AGBL1: variants seen among roughly 807,000 people sequenced by gnomAD.
AGBL1 encodes the protein AGBL carboxypeptidase 1.
A neutral mutation model predicts 118.9 loss-of-function variants in AGBL1; 130 were observed. The ratio of observed to expected loss-of-function variants is 1.09; its 90% CI spans 0.95 to 1.26. AGBL1 has a LOEUF of 1.26. AGBL1 is among the 50% of genes most tolerant of loss of function. The pLI is 0.00. For synonymous variants in AGBL1, 555 were observed against 478.9 expected (o/e 1.16, Z -2.08); for missense variants, 1,584 against 1,298.1 (o/e 1.22, Z -3.38).
chr15:86,437,800 C>T (rs1358694983), intron 18 of AGBL1, among the ~76,000 whole-genome samples: 1 of 152,114 alleles, frequency 6.6e-6, no homozygotes, highest in Non-Finnish European at 1.5e-5. Flanking sequence ...AGTGGATGAG[C>T]TCATGCCATC....
Position 86,419,585 on chromosome 15 carries a change from A to C in AGBL1, c.2555+22039A>C, listed in dbSNP as rs529181420. Among the ~76,000 whole-genome samples the C allele has an allele frequency of 3.4e-4, 51 of 151,806 alleles. 1 individual carries two copies. The South Asian group carries it at 7.3e-3, about 22-fold the overall frequency. The stretch of plus-strand genomic sequence containing the variant: ...AGGAGTTTTTTTTTTTTTCATACCA[A>C]AGTGGTGCAGGAATGCCAGCAAGAC... On this transcript the variant is annotated intron_variant, in intron 18 of 22. Transcript: ENST00000614907.
intron 22 of AGBL1, among the ~76,000 whole-genome samples, chr15:86,878,304 G>A (rs2079842645): frequency 6.6e-6 from 1 of 152,128 alleles, no homozygotes; most frequent in African/African-American, 2.4e-5. Context: ...ATTCAACTCT[G>A]CCCTTGTAGC....
intron 17 of AGBL1, among the ~76,000 whole-genome samples, chr15:86,351,676 C>G (rs1020352569): frequency 1.3e-5 from 2 of 151,852 alleles, no homozygotes; most frequent in South Asian, 4.2e-4. Context: ...AATACTTGTA[C>G]CCTGAATTTT....
intron 18 of AGBL1, among the ~76,000 whole-genome samples, chr15:86,423,272 T>A (rs1292903338): frequency 6.6e-6 from 1 of 151,630 alleles, no homozygotes; most frequent in Non-Finnish European, 1.5e-5. Context: ...GGATGCAACA[T>A]ATGCAAATCA....
At chr15:86,933,757 C>T (rs771354412) in intron 23 of AGBL1, among the ~76,000 whole-genome samples, 1 of 152,216 alleles carries the variant, frequency 6.6e-6, no homozygotes, top group Non-Finnish European at 1.5e-5. Flanking sequence ...TCTATTCTAA[C>T]CACTAAGTCT....
intron 23 of AGBL1, among the ~76,000 whole-genome samples, chr15:86,937,737 C>A (rs1438184584): frequency 6.6e-6 from 1 of 152,184 alleles, no homozygotes; most frequent in Non-Finnish European, 1.5e-5. Flanking sequence ...ATCTGTACAA[C>A]AAACCCCCAT....
chr15:86,152,273 A>G (rs977501601), intron 3 of AGBL1, among the ~76,000 whole-genome samples: 1 of 152,236 alleles, frequency 6.6e-6, no homozygotes, highest in Non-Finnish European at 1.5e-5. Flanking sequence ...AAACTATATT[A>G]CAAGGCTACA....
chr15:86,304,323 T>A (rs148745028), intron 17 of AGBL1, among the ~76,000 whole-genome samples: 2 of 152,254 alleles, frequency 1.3e-5, no homozygotes, highest in African/African-American at 4.8e-5. Flanking sequence ...TGTCCAACAC[T>A]TTTTCTCCAT....
intron 4 of AGBL1, among the ~76,000 whole-genome samples, chr15:86,157,915 A>G (rs2077214783): frequency 2.0e-5 from 3 of 152,166 alleles, no homozygotes; most frequent in Admixed American, 1.3e-4. Flanking sequence ...TCCTCTTCCA[A>G]TTTCAAGCCT....
At chr15:86,305,581 A>G (rs1210264013) in intron 17 of AGBL1, among the ~76,000 whole-genome samples, 2 of 152,210 alleles carry the variant, frequency 1.3e-5, no homozygotes, top group Non-Finnish European at 2.9e-5. Context: ...AAAAGTGTCA[A>G]CATGTCATCC....
rs186529444 is a variant in AGBL1, at chr15:86,431,845, T to G, written c.2555+34299T>G. On this transcript the variant is annotated intron_variant, in intron 18 of 22. Transcript: ENST00000614907. ...GACTCCACTTGGTTGAGACTCCCGGTTGCTGTGACATGGGAAAGTCAGTTT... is the reference window on the plus strand; with the variant it reads ...GACTCCACTTGGTTGAGACTCCCGGGTGCTGTGACATGGGAAAGTCAGTTT... 4.6e-5 allele frequency among the ~76,000 whole-genome samples: 7 copies of G among 152,302 alleles called. No homozygotes were observed. The East Asian group carries it at 1.4e-3, about 29-fold the overall frequency.
At chr15:86,773,900 G>A (rs1187405792) in intron 22 of AGBL1, among the ~76,000 whole-genome samples, 1 of 152,066 alleles carries the variant, frequency 6.6e-6, no homozygotes, top group Non-Finnish European at 1.5e-5. Context: ...CTGACAGATG[G>A]GAACCTATTT....
At chr15:86,382,913 A>C (rs2081131632) in intron 17 of AGBL1, among the ~76,000 whole-genome samples, 1 of 152,118 alleles carries the variant, frequency 6.6e-6, no homozygotes, top group Admixed American at 6.5e-5. Flanking sequence ...AACGACCTGA[A>C]CTATGCTAAG....
intron 22 of AGBL1, among the ~76,000 whole-genome samples, chr15:86,692,394 G>A (rs1041441858): frequency 6.6e-6 from 1 of 151,976 alleles, no homozygotes; most frequent in Non-Finnish European, 1.5e-5. Context: ...TGGGAAGTTA[G>A]TATCACCCTT....
At chr15:86,619,464 A>G (rs2084775388) in intron 21 of AGBL1, among the ~76,000 whole-genome samples, 1 of 152,190 alleles carries the variant, frequency 6.6e-6, no homozygotes, top group Admixed American at 6.5e-5. Flanking sequence ...TTAGCTTTTG[A>G]TGTCACTTTT....
intron 18 of AGBL1, among the ~76,000 whole-genome samples, chr15:86,400,215 G>A (rs2081423930): frequency 6.6e-6 from 1 of 152,046 alleles, no homozygotes. Context: ...ACTGTGTTTT[G>A]ATCTTTGTCC....
At chr15:86,365,727 C>A (rs1420860384) in intron 17 of AGBL1, among the ~76,000 whole-genome samples, 1 of 151,924 alleles carries the variant, frequency 6.6e-6, no homozygotes, top group African/African-American at 2.4e-5. Context: ...TTCTAAGAAC[C>A]TTTAAGCTTG....
chr15:86,244,145 C>G (rs192049309), intron 6 of AGBL1, among the ~76,000 whole-genome samples: 2 of 151,332 alleles, frequency 1.3e-5, no homozygotes, highest in Non-Finnish European at 3.0e-5. Flanking sequence ...AATTAAGCAA[C>G]ATAAAAATTT....
intron 22 of AGBL1, among the ~76,000 whole-genome samples, chr15:86,799,195 T>C (rs1358196750): frequency 6.6e-6 from 1 of 151,952 alleles, no homozygotes; most frequent in East Asian, 1.9e-4. Flanking sequence ...ATTATTATTA[T>C]ACTTTAAGTT....
Sources: allele counts gnomAD v4.1 joint callset (sites outside exome capture counted in the v4.1 genomes callset), GRCh38; gene constraint gnomAD v4.1.1; transcripts MANE v1.5; gene names NCBI Gene and HGNC (gene_info 2026-07-23, HGNC 2026-07-21).